Variants in SLC25A33 observed in about 807,000 individuals in gnomAD.
SLC25A33 encodes bone marrow stromal cell mitochondrial carrier protein.
SLC25A33 carries 15 observed loss-of-function variants against 35.5 expected under a neutral mutation model. The observed-to-expected ratio is 0.42, with a 90% CI of 0.28 to 0.65. SLC25A33 has a LOEUF of 0.65. SLC25A33 is among the 30% of genes least tolerant of loss of function. The pLI is 0.20. For missense variants in SLC25A33, 257 were observed against 398.5 expected, an observed-to-expected ratio of 0.64 and a Z score of 3.02; for synonymous variants, 136 against 148.7, an observed-to-expected ratio of 0.91 and a Z score of 0.62.
chr1:9,556,506 T>A (rs1643343377), intron 2 of SLC25A33, among the ~76,000 whole-genome samples: 1 of 152,188 alleles, frequency 6.6e-6, no homozygotes, highest in Non-Finnish European at 1.5e-5. Context: ...ATTTGCTTCA[T>A]CATACCAGTT....
At chr1:9,549,954 T>TAA (rs1643239154) in intron 1 of SLC25A33, among the ~76,000 whole-genome samples, 1 of 144,174 alleles carries the variant, frequency 6.9e-6, no homozygotes. Flanking sequence ...ATATGTATCT[T>TAA]TATATATATA....
chr1:9,562,049 CA>C (rs55912108), intron 2 of SLC25A33, among the ~76,000 whole-genome samples: 227 of 117,320 alleles, frequency 1.9e-3, no homozygotes, highest in Middle Eastern at 4.5e-3. Flanking sequence ...GACTCCGTCT[CA>C]AAAAAAAAAA....
chr1:9,558,581 C>T (rs1162835410), intron 2 of SLC25A33, among the ~76,000 whole-genome samples: 1 of 152,202 alleles, frequency 6.6e-6, no homozygotes, highest in African/African-American at 2.4e-5. Flanking sequence ...CAGAGTCTTC[C>T]CTGTCTCTGT....
chr1:9,556,190 A>G lies in SLC25A33; in HGVS notation c.236+2385A>G, dbSNP rs181243790. 40 of 985,394 alleles carry G rather than the reference A, an allele frequency of 4.1e-5. No homozygotes were observed. The East Asian group carries it at 3.2e-3, about 78-fold the overall frequency. 61.0% of individuals were successfully genotyped at this position (985,394 alleles called of 1,614,324 possible). A position where few individuals can be genotyped will look rare whatever the true frequency, so the allele number is the denominator to read the frequency against. ...CCTTTTCACATGCTTAGGCGGTGCC[A>G]GTGTCCCGGGTGACACCTTTCTTCT... is the stretch of plus-strand genomic sequence containing the variant. On this transcript the variant is annotated intron_variant, in intron 2 of 6. Transcript: ENST00000302692.
intron 3 of SLC25A33, 48 bp from the exon 4 acceptor site, chr1:9,570,210 A>G (rs748000899): frequency 9.4e-5 from 144 of 1,535,906 alleles, no homozygotes; most frequent in Non-Finnish European, 1.2e-4. Context: ...GGGACGTATA[A>G]AGTTGCACTG....
chr1:9,571,967 T>C (rs142661749), intron 4 of SLC25A33, among the ~76,000 whole-genome samples: 2 of 152,308 alleles, frequency 1.3e-5, no homozygotes, highest in Admixed American at 6.5e-5. Context: ...AGAACTTAAA[T>C]TGGCATTTTA....
At chr1:9,570,011 C>T (rs185545112) in intron 3 of SLC25A33, among the ~76,000 whole-genome samples, 2 of 152,258 alleles carry the variant, frequency 1.3e-5, no homozygotes, top group East Asian at 3.9e-4. Context: ...ATGTCTTCCC[C>T]AAATCTCACT....
intron 1 of SLC25A33, among the ~76,000 whole-genome samples, chr1:9,547,219 C>T (rs559052115): frequency 6.6e-6 from 1 of 152,178 alleles, no homozygotes; most frequent in African/African-American, 2.4e-5. Flanking sequence ...TTTGGGAGGC[C>T]AAGGTGGGCA....
chr1:9,569,984 G>A (rs1489094636), intron 3 of SLC25A33, among the ~76,000 whole-genome samples: 1 of 152,144 alleles, frequency 6.6e-6, no homozygotes, highest in Non-Finnish European at 1.5e-5. Context: ...AACGAAGAAT[G>A]TAAAAGGACT....
Position 9,582,676 on chromosome 1 carries a change from C to A in SLC25A33, c.*175C>A, listed in dbSNP as rs1643762741. 4.7e-6 allele frequency: 3 copies of A among 643,322 alleles called. No homozygotes were observed. Among genetic ancestry groups the A allele is most frequent in the Non-Finnish European group, 7.8e-6 (3 of 383,368 alleles). The allele number at this position is 643,322 out of a possible 1,614,324, so 39.9% of individuals were successfully genotyped here. A position where few individuals can be genotyped will look rare whatever the true frequency, so the allele number is the denominator to read the frequency against. On this transcript the variant is annotated 3_prime_UTR_variant, in exon 7 of 7. Coordinates refer to ENST00000302692, the MANE Select transcript of SLC25A33 (RefSeq NM_032315.3). This position sits in a 1 kb window ranked among gnomAD's most constrained non-coding sequence, Gnocchi z 4.0. ...TCATGCTTTCTGGAAGGTTTAAATT[C>A]ATTAACGTTAATAGTTAATTATAAC... is the stretch of plus-strand genomic sequence containing the variant.
intron 3 of SLC25A33, among the ~76,000 whole-genome samples, chr1:9,569,033 G>A (rs1482803116): frequency 6.6e-6 from 1 of 152,032 alleles, no homozygotes; most frequent in Non-Finnish European, 1.5e-5. Context: ...ATTACTTGAG[G>A]TCAGGAGTTT....
At chr1:9,564,898 T>C (rs1308222917) in intron 2 of SLC25A33, among the ~76,000 whole-genome samples, 1 of 151,266 alleles carries the variant, frequency 6.6e-6, no homozygotes, top group African/African-American at 2.4e-5. Context: ...CACTCCAGCC[T>C]GGGTGATGGA....
intron 5 of SLC25A33, among the ~76,000 whole-genome samples, chr1:9,579,161 A>C (rs1233288507): frequency 1.3e-5 from 2 of 152,226 alleles, no homozygotes; most frequent in African/African-American, 2.4e-5. Context: ...CACAACAGTC[A>C]TTGACACAGA....
At chr1:9,555,707 CAG>C (rs1237269006) in intron 2 of SLC25A33, among the ~76,000 whole-genome samples, 1 of 151,506 alleles carries the variant, frequency 6.6e-6, no homozygotes, top group Non-Finnish European at 1.5e-5. Context: ...TTTTTTGAGA[CAG>C]ATTCTCACTC....
chr1:9,570,903 A>G (rs1643581090), intron 4 of SLC25A33, among the ~76,000 whole-genome samples: 1 of 151,912 alleles, frequency 6.6e-6, no homozygotes, highest in Non-Finnish European at 1.5e-5. Flanking sequence ...AGTAGAGACG[A>G]GGTTTCACCA....
intron 2 of SLC25A33, among the ~76,000 whole-genome samples, chr1:9,565,540 A>G (rs1643488713): frequency 6.6e-6 from 1 of 151,398 alleles, no homozygotes; most frequent in Non-Finnish European, 1.5e-5. Context: ...TTACAATGGT[A>G]GATTTTCTAT....
At position 9,573,341 on chromosome 1, in the gene SLC25A33, TCC is replaced by T; in HGVS notation, c.416-4_416-3del. ...GTTGACCTTTACTGTTTTTTTTTTT[TCC>T]AGCTTTTATCACAAATTCCTTAATG... On this transcript the variant is annotated splice_region_variant and splice_polypyrimidine_tract_variant and intron_variant, in intron 4 of 6. Coordinates refer to ENST00000302692, the MANE Select transcript of SLC25A33 (RefSeq NM_032315.3). The T allele has an allele frequency of 6.3e-7, 1 of 1,598,488 alleles. No individual in the cohort carries two copies. The highest frequency in any genetic ancestry group is 1.7e-5 in the Admixed American group (1 of 58,172).
chr1:9,580,726 C>T (rs1193775898), intron 6 of SLC25A33, among the ~76,000 whole-genome samples: 1 of 151,772 alleles, frequency 6.6e-6, no homozygotes, highest in African/African-American at 2.4e-5. Context: ...CGTGGTGGCG[C>T]ACGCCTGTAG....
intron 1 of SLC25A33, among the ~76,000 whole-genome samples, chr1:9,541,821 A>G (rs573767580): frequency 3.3e-5 from 5 of 150,364 alleles, no homozygotes; most frequent in African/African-American, 1.2e-4. Context: ...TTTTTTTCAG[A>G]CGGAGTCTTG....
Sources: allele counts gnomAD v4.1 joint callset (sites outside exome capture counted in the v4.1 genomes callset), GRCh38; gene constraint gnomAD v4.1.1; non-coding constraint Gnocchi (gnomAD v3.1); transcripts MANE v1.5; gene names NCBI Gene and HGNC (gene_info 2026-07-23, HGNC 2026-07-21).